Variants in PAX5 observed in about 807,000 individuals in gnomAD.
PAX5 encodes the protein paired box 5.
Under a neutral mutation model 43.7 loss-of-function variants are expected in PAX5, and 9 were observed. That is an observed-to-expected ratio of 0.21 (90% CI 0.12 to 0.36). PAX5 has a LOEUF of 0.36. PAX5 is among the 10% of genes least tolerant of loss of function. The pLI, the probability that PAX5 is intolerant of heterozygous loss-of-function variation, is 1.00. For missense variants in PAX5, 383 were observed against 532.7 expected (o/e 0.72, Z 2.77); for synonymous variants, 228 against 214.3 (o/e 1.06, Z -0.56).
At chr9:36,843,140 G>A (rs963084370) in intron 9 of PAX5, among the ~76,000 whole-genome samples, 1 of 151,986 alleles carries the variant, frequency 6.6e-6, no homozygotes, top group Non-Finnish European at 1.5e-5. Flanking sequence ...CTGTGTGTGT[G>A]TGCATGTGTG....
chr9:36,966,497 C>T (rs546028004), intron 6 of PAX5, 52 bp downstream of exon 6: 39 of 1,584,446 alleles, frequency 2.5e-5, no homozygotes, highest in East Asian at 2.2e-4. Context: ...AGGAACCTGG[C>T]TGGGCCGGTG....
chr9:36,848,397 C>T (rs11793043), intron 8 of PAX5, among the ~76,000 whole-genome samples: 3,390 of 131,240 alleles, frequency 0.026, 59 homozygotes, highest in Middle Eastern at 0.047. Flanking sequence ...CGCGCTCCTC[C>T]TCGGGCCTCT....
chr9:36,846,024 T>G (rs1246358881), intron 9 of PAX5, among the ~76,000 whole-genome samples: 1 of 152,098 alleles, frequency 6.6e-6, no homozygotes, highest in Non-Finnish European at 1.5e-5. Context: ...TGCAGGCTGA[T>G]TGGCTGGCTC....
At chr9:36,877,851 A>C (rs1353956444) in intron 8 of PAX5, among the ~76,000 whole-genome samples, 2 of 152,244 alleles carry the variant, frequency 1.3e-5, no homozygotes, top group Admixed American at 6.5e-5. Flanking sequence ...TGATTGACTA[A>C]GGATCTTGCG....
chr9:36,893,349 GC>G (rs1438283011), intron 7 of PAX5: 1 of 152,256 alleles, frequency 6.6e-6, no homozygotes, highest in East Asian at 1.9e-4. Flanking sequence ...TCCCCACCAG[GC>G]CTCTCCCAGG....
chr9:36,840,738 C>A, intron 9 of PAX5, 102 bp from the exon 10 acceptor site: 1 of 689,352 alleles, frequency 1.5e-6, no homozygotes. Context: ...TCCGGGCCAC[C>A]ATCCTCTCTC....
At chr9:36,927,958 C>T (rs1830789157) in intron 6 of PAX5, among the ~76,000 whole-genome samples, 1 of 152,206 alleles carries the variant, frequency 6.6e-6, no homozygotes, top group African/African-American at 2.4e-5. Context: ...GATCCACCTG[C>T]CTCGGCCTCC....
chr9:37,034,062 A>T lies in PAX5; in HGVS notation c.-31T>A. On this transcript the variant is annotated 5_prime_UTR_variant, in exon 1 of 10. Transcript: ENST00000358127. The stretch of plus-strand genomic sequence containing the variant: ...TTTTTCAGGACTTGATGGAATGGAC[A>T]GGGAAAAGTTTCCACTTTTTTGTGC... 8.3e-7 allele frequency: 1 copy of T among 1,208,574 alleles called. No individual in the cohort carries two copies. Among genetic ancestry groups the T allele is most frequent in the Middle Eastern group, 2.7e-4 (1 of 3,700 alleles). The allele number at this position is 1,208,574 out of a possible 1,614,324, so 74.9% of individuals were successfully genotyped here. A position where few individuals can be genotyped will look rare whatever the true frequency, so the allele number is the denominator to read the frequency against.
At chr9:37,014,501 C>A (rs1033524549) in intron 3 of PAX5, among the ~76,000 whole-genome samples, 1 of 152,192 alleles carries the variant, frequency 6.6e-6, no homozygotes, top group Non-Finnish European at 1.5e-5. Context: ...AGAGCTGGAA[C>A]AAGGAGCCAA....
At chr9:36,894,370 A>G (rs4379526) in intron 7 of PAX5, among the ~76,000 whole-genome samples, 152,046 of 152,332 alleles carry the variant, frequency 1, 75,880 homozygotes, top group East Asian at 1. Flanking sequence ...TAAACAAGAT[A>G]ATGGCTAAAT....
intron 5 of PAX5, among the ~76,000 whole-genome samples, chr9:36,995,496 G>A (rs1318827929): frequency 1.3e-5 from 2 of 152,202 alleles, no homozygotes; most frequent in Non-Finnish European, 2.9e-5. Flanking sequence ...GCACCCCATG[G>A]GGAGATAAGA....
At chr9:36,868,275 C>T (rs752792213) in intron 8 of PAX5, among the ~76,000 whole-genome samples, 1 of 152,118 alleles carries the variant, frequency 6.6e-6, no homozygotes, top group Non-Finnish European at 1.5e-5. Context: ...GGGGCATGTG[C>T]TGTATTCAGA....
At chr9:36,867,015 C>G (rs1380166726) in intron 8 of PAX5, among the ~76,000 whole-genome samples, 4 of 144,922 alleles carry the variant, frequency 2.8e-5, no homozygotes, top group African/African-American at 1.1e-4. Context: ...GCCGCTGCCC[C>G]CAGTGGCCAG....
chr9:36,867,272 C>A (rs180898042), intron 8 of PAX5, among the ~76,000 whole-genome samples: 2 of 152,314 alleles, frequency 1.3e-5, no homozygotes, highest in Non-Finnish European at 2.9e-5. Context: ...CAAGACTCTT[C>A]GGTATACACC....
chr9:36,844,470 G>GC, intron 9 of PAX5, among the ~76,000 whole-genome samples: 1 of 152,188 alleles, frequency 6.6e-6, no homozygotes, highest in Admixed American at 6.5e-5. Context: ...GACGACATCA[G>GC]ATAGCCCATG....
At chr9:36,974,222 A>G (rs919934701) in intron 5 of PAX5, among the ~76,000 whole-genome samples, 4 of 152,180 alleles carry the variant, frequency 2.6e-5, no homozygotes, top group African/African-American at 9.7e-5. Flanking sequence ...TAGGAAGCCA[A>G]GGGATTTGTT....
intron 8 of PAX5, among the ~76,000 whole-genome samples, chr9:36,856,365 T>C (rs957909099): frequency 1.3e-5 from 2 of 152,170 alleles, no homozygotes; most frequent in African/African-American, 4.8e-5. Flanking sequence ...GAAACCACCG[T>C]GCAGGTCCCA....
chr9:36,878,029 G>T (rs73453238), intron 8 of PAX5, among the ~76,000 whole-genome samples: 2 of 152,128 alleles, frequency 1.3e-5, no homozygotes, highest in Non-Finnish European at 1.5e-5. Flanking sequence ...AGGGAATGCC[G>T]GGAACGAACC....
At chr9:36,995,313 G>A (rs1005917929) in intron 5 of PAX5, among the ~76,000 whole-genome samples, 2 of 152,238 alleles carry the variant, frequency 1.3e-5, no homozygotes, top group African/African-American at 4.8e-5. Flanking sequence ...CAGGCTCAAG[G>A]ACAGCATTCC....
Sources: allele counts gnomAD v4.1 joint callset (sites outside exome capture counted in the v4.1 genomes callset), GRCh38; gene constraint gnomAD v4.1.1; transcripts MANE v1.5; gene names NCBI Gene and HGNC (gene_info 2026-07-23, HGNC 2026-07-21).